ESRRG: variants seen among roughly 807,000 people sequenced by gnomAD.
ESRRG encodes the protein estrogen-related receptor gamma.
A neutral mutation model predicts 44.0 loss-of-function variants in ESRRG; 13 were observed. The ratio of observed to expected loss-of-function variants is 0.30; its 90% CI spans 0.19 to 0.47. The LOEUF (loss-of-function observed/expected upper bound fraction) is 0.47, where lower values mean the gene tolerates loss of function less well. ESRRG is among the 20% of genes least tolerant of loss of function. The pLI is 1.00. For missense variants in ESRRG, 395 were observed against 580.6 expected (o/e 0.68, Z 3.29); for synonymous variants, 215 against 214.6 (o/e 1.00, Z -0.02).
At chr1:216,975,582 G>A (rs899224004) in intron 1 of ESRRG, among the ~76,000 whole-genome samples, 1 of 152,100 alleles carries the variant, frequency 6.6e-6, no homozygotes, top group Non-Finnish European at 1.5e-5. Flanking sequence ...CAAGCACTTT[G>A]GAAATATACA....
chr1:216,646,977 T>C (rs896254139), intron 3 of ESRRG, among the ~76,000 whole-genome samples: 4 of 152,168 alleles, frequency 2.6e-5, no homozygotes, highest in Non-Finnish European at 5.9e-5. Flanking sequence ...AGACACCCTT[T>C]AATCCTTTGA....
chr1:216,904,537 C>A (rs745615078), intron 2 of ESRRG, among the ~76,000 whole-genome samples: 1 of 152,152 alleles, frequency 6.6e-6, no homozygotes, highest in Non-Finnish European at 1.5e-5. Flanking sequence ...CCCTTCTTAT[C>A]TCTTTACTGC....
chr1:216,814,240 G>C (rs1041350936), intron 2 of ESRRG, among the ~76,000 whole-genome samples: 1 of 152,216 alleles, frequency 6.6e-6, no homozygotes, highest in African/African-American at 2.4e-5. Context: ...TGACTGCACT[G>C]TGGACATGAG....
intron 1 of ESRRG, among the ~76,000 whole-genome samples, chr1:217,005,458 T>C (rs1347159379): frequency 6.6e-6 from 1 of 152,144 alleles, no homozygotes; most frequent in East Asian, 1.9e-4. Context: ...ATCACAACTG[T>C]TGCTTGGCAT....
intron 2 of ESRRG, among the ~76,000 whole-genome samples, chr1:216,806,801 G>A (rs931380030): frequency 6.6e-6 from 1 of 152,148 alleles, no homozygotes; most frequent in African/African-American, 2.4e-5. Context: ...ACAGTGTTCG[G>A]CTGCCCTGGG....
intron 5 of ESRRG, among the ~76,000 whole-genome samples, chr1:216,561,551 T>C (rs1053504886): frequency 2.0e-5 from 3 of 152,106 alleles, no homozygotes. Context: ...ATCTTTACTT[T>C]CTCCAGCCTT....
chr1:216,642,431 C>T (rs562516078), intron 3 of ESRRG, among the ~76,000 whole-genome samples: 1 of 152,068 alleles, frequency 6.6e-6, no homozygotes, highest in African/African-American at 2.4e-5. Context: ...TCTAGTAATG[C>T]AGTATCCGCA....
At chr1:217,080,330 C>T (rs2091642822) in intron 1 of ESRRG, among the ~76,000 whole-genome samples, 1 of 152,006 alleles carries the variant, frequency 6.6e-6, no homozygotes, top group South Asian at 2.1e-4. Flanking sequence ...TTTTACTACC[C>T]AAAATCGTCC....
intron 3 of ESRRG, among the ~76,000 whole-genome samples, chr1:216,600,370 A>T (rs2059035656): frequency 6.6e-6 from 1 of 152,082 alleles, no homozygotes; most frequent in Non-Finnish European, 1.5e-5. Flanking sequence ...ATCCATGCGG[A>T]TTCATCGATT....
At chr1:216,581,635 AAGAGAGAG>A (rs112365344) in intron 3 of ESRRG, among the ~76,000 whole-genome samples, 5 of 150,054 alleles carry the variant, frequency 3.3e-5, no homozygotes, top group Admixed American at 3.3e-4. Context: ...TGTTTAAATA[AAGAGAGAG>A]AGAGAGAGAG....
At chr1:217,084,096 C>T (rs1427683474) in intron 1 of ESRRG, among the ~76,000 whole-genome samples, 1 of 147,490 alleles carries the variant, frequency 6.8e-6, no homozygotes, top group African/African-American at 2.5e-5. Flanking sequence ...TTTTTTTCCC[C>T]ATTAAGGGAG....
intron 3 of ESRRG, among the ~76,000 whole-genome samples, chr1:216,577,291 T>C (rs2061858124): frequency 1.3e-5 from 2 of 152,032 alleles, no homozygotes; most frequent in Admixed American, 1.3e-4. Context: ...GCTAAAAATT[T>C]CCTAAACTAT....
rs2040707245 is a variant in ESRRG, at chr1:216,503,607, C to T, written c.*3332G>A. 1 of 152,326 alleles carries T rather than the reference C, an allele frequency of 6.6e-6. No individual in the cohort carries two copies. Among genetic ancestry groups the T allele is most frequent in the Admixed American group, 6.6e-5 (1 of 15,240 alleles). 9.4% of individuals were successfully genotyped at this position (152,326 alleles called of 1,614,324 possible). A position where few individuals can be genotyped will look rare whatever the true frequency, so the allele number is the denominator to read the frequency against. The stretch of plus-strand genomic sequence containing the variant: ...TTTACGATCTTTGCACATAAGACTG[C>T]CATAAAATGTTTTCCTAGGCAGGTA... On this transcript the variant is annotated 3_prime_UTR_variant, in exon 7 of 7. Coordinates refer to ENST00000408911, the MANE Select transcript of ESRRG (RefSeq NM_001438.4).
chr1:217,021,247 T>C (rs1392256993), intron 1 of ESRRG, among the ~76,000 whole-genome samples: 3 of 152,030 alleles, frequency 2.0e-5, no homozygotes, highest in Admixed American at 2.0e-4. Flanking sequence ...GAGTGGATGG[T>C]TCATGGTGAG....
At chr1:216,627,741 AG>A (rs1353622230) in intron 3 of ESRRG, among the ~76,000 whole-genome samples, 5 of 152,234 alleles carry the variant, frequency 3.3e-5, no homozygotes, top group Non-Finnish European at 5.9e-5. Context: ...CTGTTATTTA[AG>A]CTTTGTTAGC....
intron 1 of ESRRG, 51 bp downstream of exon 1, chr1:216,723,193 A>ACCCCCC: frequency 3.5e-6 from 3 of 863,450 alleles, no homozygotes; most frequent in Admixed American, 2.1e-5. Flanking sequence ...GTCCGCCCCC[A>ACCCCCC]CCCCCGCACC....
intron 1 of ESRRG, among the ~76,000 whole-genome samples, chr1:217,022,907 G>A (rs1232127339): frequency 1.3e-5 from 2 of 152,080 alleles, no homozygotes; most frequent in African/African-American, 4.8e-5. Flanking sequence ...CAGGAAAGGA[G>A]GCAGACTAAC....
At chr1:216,922,683 T>C (rs2061991050) in intron 2 of ESRRG, among the ~76,000 whole-genome samples, 1 of 152,198 alleles carries the variant, frequency 6.6e-6, no homozygotes, top group South Asian at 2.1e-4. Flanking sequence ...TGAATTGGAT[T>C]GGCTTTGGAA....
intron 2 of ESRRG, among the ~76,000 whole-genome samples, chr1:216,736,176 ATTTT>A (rs34469625): frequency 2.1e-4 from 17 of 82,690 alleles, no homozygotes; most frequent in South Asian, 1.3e-3. Flanking sequence ...GTTAAGGACT[ATTTT>A]TTTTTTTTTT....
Sources: allele counts gnomAD v4.1 joint callset (sites outside exome capture counted in the v4.1 genomes callset), GRCh38; gene constraint gnomAD v4.1.1; transcripts MANE v1.5; gene names NCBI Gene and HGNC (gene_info 2026-07-23, HGNC 2026-07-21).